The following TNFRSF1B variants were observed in gnomAD, a reference collection of about 807,000 sequenced individuals.
TNFRSF1B encodes tumor necrosis factor receptor superfamily member 1B.
Under a neutral mutation model 44.6 loss-of-function variants are expected in TNFRSF1B, and 19 were observed. The ratio of observed to expected loss-of-function variants is 0.43; its 90% CI spans 0.30 to 0.62. The LOEUF is 0.62. Among genes scored for constraint, TNFRSF1B ranks in the 20% least tolerant of loss-of-function variants. The pLI, the probability that TNFRSF1B is intolerant of heterozygous loss-of-function variation, is 0.16. For missense variants in TNFRSF1B, 541 were observed against 619.9 expected (o/e 0.87, Z 1.35); for synonymous variants, 252 against 261.1 (o/e 0.97, Z 0.34).
intron 3 of TNFRSF1B, among the ~76,000 whole-genome samples, chr1:12,191,441 C>G (rs1036785979): frequency 8.2e-5 from 12 of 145,566 alleles, no homozygotes; most frequent in Non-Finnish European, 1.4e-4. Flanking sequence ...GGAGGAGCGG[C>G]ACTGCGGGGA....
At chr1:12,188,283 C>T (rs1419077063) in intron 1 of TNFRSF1B, among the ~76,000 whole-genome samples, 1 of 152,118 alleles carries the variant, frequency 6.6e-6, no homozygotes, top group Non-Finnish European at 1.5e-5. Context: ...TTAGAGGGGT[C>T]ATAACCCACG....
intron 1 of TNFRSF1B, among the ~76,000 whole-genome samples, chr1:12,176,766 G>A (rs1442941023): frequency 2.0e-5 from 3 of 152,224 alleles, no homozygotes; most frequent in Non-Finnish European, 4.4e-5. Context: ...GGAGGCCCAT[G>A]AGGAGGCTGT....
chr1:12,177,603 T>C lies in TNFRSF1B; in HGVS notation c.78+10434T>C, dbSNP rs1638690248. 6.6e-6 allele frequency among the ~76,000 whole-genome samples: 1 copy of C among 152,120 alleles called. No homozygotes were observed. The highest frequency in any genetic ancestry group is 1.5e-5 in the Non-Finnish European group (1 of 68,014). On this transcript the variant is annotated intron_variant, in intron 1 of 9. Coordinates refer to ENST00000376259, the MANE Select transcript of TNFRSF1B (RefSeq NM_001066.3). This position sits in a 1 kb window ranked among gnomAD's most constrained non-coding sequence, Gnocchi z 4.3. Reference sequence around the variant, plus strand: ...TGAGGTGAAAACAAAAGGGCTGCTCTCTGTCACTTCCCCTAGGGGCGGGCA... The same window carrying C: ...TGAGGTGAAAACAAAAGGGCTGCTCCCTGTCACTTCCCCTAGGGGCGGGCA...
chr1:12,198,121 C>CAA (rs5772486), intron 8 of TNFRSF1B, among the ~76,000 whole-genome samples: 10 of 98,756 alleles, frequency 1.0e-4, no homozygotes, highest in East Asian at 6.0e-4. Flanking sequence ...GACTCCATCT[C>CAA]AAAAAAAAAA....
intron 1 of TNFRSF1B, among the ~76,000 whole-genome samples, chr1:12,183,711 T>TCTATCTATCTATCTATTCTA (rs1553163383): frequency 1.6e-4 from 15 of 93,276 alleles, no homozygotes; most frequent in East Asian, 3.4e-4. Context: ...TATCTATCTA[T>TCTATCTATCTATCTATTCTA]TCTATCTACC....
rs1194479460 is a variant in TNFRSF1B, at chr1:12,187,921, T to C, written c.79-875T>C. Among the ~76,000 whole-genome samples, 2 of 152,070 alleles carry C rather than the reference T, an allele frequency of 1.3e-5. No individual in the cohort carries two copies. Among genetic ancestry groups the C allele is most frequent in the Non-Finnish European group, 2.9e-5 (2 of 67,988 alleles). On this transcript the variant is annotated intron_variant, in intron 1 of 9. Transcript: ENST00000376259. The surrounding 1 kb of genome is among the most constrained non-coding windows in gnomAD (Gnocchi z 5.5). ...CACCTTGAGGCTGTGGAGCATTCATTATCAGCCAACACCCACAGCAGCTGG... is the reference window on the plus strand; with the variant it reads ...CACCTTGAGGCTGTGGAGCATTCATCATCAGCCAACACCCACAGCAGCTGG...
intron 1 of TNFRSF1B, among the ~76,000 whole-genome samples, chr1:12,176,523 T>C (rs1335228928): frequency 6.6e-6 from 1 of 152,222 alleles, no homozygotes; most frequent in African/African-American, 2.4e-5. Flanking sequence ...TATGAACTCC[T>C]TTATTTAAAA....
At position 12,168,085 on chromosome 1, in the gene TNFRSF1B, C is replaced by A. The variant is rs1298905818; in HGVS notation, c.78+916C>A. Among the ~76,000 whole-genome samples the A allele has an allele frequency of 1.3e-4, 20 of 152,210 alleles. No individual in the cohort carries two copies. ...TTTTTAGAGAAGGAAAACTGAGGCTCAGAGAACTTGTATTTCATGGAAGGG... is the reference window on the plus strand; with the variant it reads ...TTTTTAGAGAAGGAAAACTGAGGCTAAGAGAACTTGTATTTCATGGAAGGG... On this transcript the variant is annotated intron_variant, in intron 1 of 9. Coordinates refer to ENST00000376259, the MANE Select transcript of TNFRSF1B (RefSeq NM_001066.3). This position sits in a 1 kb window ranked among gnomAD's most constrained non-coding sequence, Gnocchi z 4.7.
At chr1:12,181,197 G>A (rs901312574) in intron 1 of TNFRSF1B, among the ~76,000 whole-genome samples, 2 of 152,150 alleles carry the variant, frequency 1.3e-5, no homozygotes, top group East Asian at 1.9e-4. Flanking sequence ...AGGCCCACAC[G>A]GGCCATCTAA....
intron 9 of TNFRSF1B, among the ~76,000 whole-genome samples, chr1:12,205,863 G>A (rs932956999): frequency 1.3e-5 from 2 of 151,896 alleles, no homozygotes; most frequent in African/African-American, 4.8e-5. Context: ...CCTGACCTCA[G>A]GCGATCCACC....
At chr1:12,167,529 G>C in intron 1 of TNFRSF1B, 1 of 403,896 alleles carries the variant, frequency 2.5e-6, no homozygotes, top group Middle Eastern at 3.3e-4. Flanking sequence ...CCCTCACCCC[G>C]GCGACTGCCG....
At chr1:12,174,196 CCTT>C (rs1638596110) in intron 1 of TNFRSF1B, among the ~76,000 whole-genome samples, 1 of 118,958 alleles carries the variant, frequency 8.4e-6, no homozygotes, top group Non-Finnish European at 1.7e-5. Context: ...TTCTCCTTCT[CCTT>C]CTCCTTCTCC....
At position 12,171,175 on chromosome 1, in the gene TNFRSF1B, C is replaced by T. The variant is rs1159014556; in HGVS notation, c.78+4006C>T. ...GTGCCACCATGCCCGGCTAATTTTT[C>T]CTTTTTTTTTTTTTTTTTAGTAGAG... On this transcript the variant is annotated intron_variant, in intron 1 of 9. Transcript: ENST00000376259. This position sits in a 1 kb window ranked among gnomAD's most constrained non-coding sequence, Gnocchi z 4.5. Among the ~76,000 whole-genome samples, 2 of 146,848 alleles carry T rather than the reference C, an allele frequency of 1.4e-5. No individual in the cohort carries two copies. The highest frequency in any genetic ancestry group is 2.0e-4 in the East Asian group (1 of 5,084).
At chr1:12,181,970 C>T (rs1045632262) in intron 1 of TNFRSF1B, among the ~76,000 whole-genome samples, 4 of 152,220 alleles carry the variant, frequency 2.6e-5, no homozygotes, top group Non-Finnish European at 5.9e-5. Flanking sequence ...ACCAGGCCCA[C>T]ACTCTCATTT....
Position 12,207,131 on chromosome 1 carries a change from T to C in TNFRSF1B, c.*111T>C. 8.1e-7 allele frequency: 1 copy of C among 1,240,342 alleles called. No individual in the cohort carries two copies. The highest frequency in any genetic ancestry group is 1.1e-6 in the Non-Finnish European group (1 of 927,768). The allele number at this position is 1,240,342 out of a possible 1,614,324, so 76.8% of individuals were successfully genotyped here. A position where few individuals can be genotyped will look rare whatever the true frequency, so the allele number is the denominator to read the frequency against. On this transcript the variant is annotated 3_prime_UTR_variant, in exon 10 of 10. Coordinates refer to ENST00000376259, the MANE Select transcript of TNFRSF1B (RefSeq NM_001066.3). ...CCCCACCACTAGGACTCTGAGGCTCTTTCTGGGCCAAGTTCCTCTAGTGCC... is the reference window on the plus strand; with the variant it reads ...CCCCACCACTAGGACTCTGAGGCTCCTTCTGGGCCAAGTTCCTCTAGTGCC...
intron 3 of TNFRSF1B, among the ~76,000 whole-genome samples, chr1:12,191,411 G>C (rs1409852795): frequency 1.3e-5 from 2 of 152,056 alleles, no homozygotes; most frequent in East Asian, 3.9e-4. Flanking sequence ...GCGGGACTGC[G>C]GGGAAGAGCG....
intron 6 of TNFRSF1B, 71 bp from the exon 7 acceptor site, chr1:12,193,884 C>A: frequency 1.5e-6 from 2 of 1,313,896 alleles, no homozygotes; most frequent in South Asian, 1.2e-5. Context: ...GGGTCCCTGG[C>A]TTGCCTGGCT....
chr1:12,168,681 C>T lies in TNFRSF1B; in HGVS notation c.78+1512C>T, dbSNP rs1228324221. ...CTGGAGTAGCTGGAGGAGGTTCCCT[C>T]CCACTTCCTTCCCTTCCTGACCAGC... On this transcript the variant is annotated intron_variant, in intron 1 of 9. Coordinates refer to ENST00000376259, the MANE Select transcript of TNFRSF1B (RefSeq NM_001066.3). This position sits in a 1 kb window ranked among gnomAD's most constrained non-coding sequence, Gnocchi z 4.7. Among the ~76,000 whole-genome samples, 1 of 152,118 alleles carries T rather than the reference C, an allele frequency of 6.6e-6. No individual in the cohort carries two copies. The highest frequency in any genetic ancestry group is 1.5e-5 in the Non-Finnish European group (1 of 68,000).
chr1:12,184,567 G>A (rs1420128383), intron 1 of TNFRSF1B, among the ~76,000 whole-genome samples: 1 of 152,196 alleles, frequency 6.6e-6, no homozygotes, highest in Non-Finnish European at 1.5e-5. Context: ...AACCTGGAGG[G>A]GAGGAGGTGG....
Sources: gnomAD v4.1 joint callset for allele counts (sites outside exome capture counted in the v4.1 genomes callset) on GRCh38, gnomAD v4.1.1 for gene constraint, Gnocchi (gnomAD v3.1) non-coding constraint, MANE v1.5 for transcripts, NCBI Gene and HGNC (gene_info 2026-07-23, HGNC 2026-07-21) for gene names.